The following TRIM75 variants were observed in gnomAD, a reference collection of about 807,000 sequenced individuals.
The protein encoded by TRIM75 is tripartite motif-containing protein 75.
At chr4:165,060,172 C>T in the TRIM75 span, 11 of 780,876 alleles carry the variant, frequency 1.4e-5, no homozygotes, top group South Asian at 8.0e-5. Flanking sequence ...CTGGGTTTTC[C>T]GTATTTTCAT....
chr4:165,059,434 T>A, the TRIM75 span: 1 of 780,868 alleles, frequency 1.3e-6, no homozygotes, highest in South Asian at 1.3e-5. Flanking sequence ...GAGACCACCT[T>A]GTGCGAGAAA....
the TRIM75 span, among the ~76,000 whole-genome samples, chr4:165,055,533 T>C: frequency 6.6e-6 from 1 of 152,070 alleles, no homozygotes; most frequent in African/African-American, 2.4e-5. Flanking sequence ...TCCACCCACC[T>C]TGGCCTCCCA....
At chr4:165,059,653 C>G in the TRIM75 span, 4 of 780,884 alleles carry the variant, frequency 5.1e-6, no homozygotes, top group Non-Finnish European at 9.6e-6. Context: ...AGCAAAAAAC[C>G]CTTAGAACTG....
chr4:165,059,847 TTAAG>T, the TRIM75 span: 2 of 780,802 alleles, frequency 2.6e-6, no homozygotes, highest in Non-Finnish European at 2.4e-6. Context: ...CAAAAGCCAG[TTAAG>T]TAAGGTAGTA....
the TRIM75 span, among the ~76,000 whole-genome samples, chr4:165,058,115 T>A: frequency 6.6e-6 from 1 of 152,116 alleles, no homozygotes; most frequent in African/African-American, 2.4e-5. Context: ...GAAGCAAGGA[T>A]GTAAGAGCAA....
the TRIM75 span, among the ~76,000 whole-genome samples, chr4:165,055,528 C>A: frequency 6.6e-6 from 1 of 152,050 alleles, no homozygotes; most frequent in Non-Finnish European, 1.5e-5. Flanking sequence ...GGTGATCCAC[C>A]CACCTTGGCC....
At chr4:165,058,013 A>G in the TRIM75 span, among the ~76,000 whole-genome samples, 1 of 151,766 alleles carries the variant, frequency 6.6e-6, no homozygotes, top group African/African-American at 2.4e-5. Context: ...TACTGAAAAT[A>G]TTTTCGCAAA....
At chr4:165,054,740 G>C in the TRIM75 span, among the ~76,000 whole-genome samples, 2 of 152,136 alleles carry the variant, frequency 1.3e-5, no homozygotes, top group Non-Finnish European at 2.9e-5. Context: ...ATTTATTATG[G>C]TTCCTGATTT....
chr4:165,059,800 C>A, the TRIM75 span: 1 of 780,880 alleles, frequency 1.3e-6, no homozygotes, highest in Non-Finnish European at 2.4e-6. Flanking sequence ...AAACTCAGTG[C>A]AAACATAACA....
chr4:165,054,613 T>C, the TRIM75 span, among the ~76,000 whole-genome samples: 1 of 152,140 alleles, frequency 6.6e-6, no homozygotes, highest in Non-Finnish European at 1.5e-5. Flanking sequence ...TTGGCCAGGT[T>C]GGTCTCGAAC....
the TRIM75 span, chr4:165,059,864 G>C: frequency 1.0e-5 from 8 of 780,462 alleles, no homozygotes; most frequent in Non-Finnish European, 1.9e-5. Context: ...AGGTAGTAGA[G>C]CTCAGTGAGC....
the TRIM75 span, among the ~76,000 whole-genome samples, chr4:165,055,608 C>T: frequency 2.3e-5 from 3 of 127,694 alleles, no homozygotes; most frequent in Admixed American, 7.9e-5. Flanking sequence ...AAAGGAGAGG[C>T]GTTTGATACT....
the TRIM75 span, among the ~76,000 whole-genome samples, chr4:165,054,103 AT>A: frequency 6.6e-6 from 1 of 151,530 alleles, no homozygotes; most frequent in Admixed American, 6.6e-5. Flanking sequence ...ATTTTCATTT[AT>A]TTTTTTGAGA....
At chr4:165,056,375 G>A in the TRIM75 span, among the ~76,000 whole-genome samples, 1 of 151,682 alleles carries the variant, frequency 6.6e-6, no homozygotes, top group African/African-American at 2.4e-5. Flanking sequence ...AGGGATCCCT[G>A]CATTTTCCAA....
At chr4:165,059,025 A>G in the TRIM75 span, 1 of 615,128 alleles carries the variant, frequency 1.6e-6, no homozygotes, top group Non-Finnish European at 2.9e-6. Context: ...TAGTGAGGTC[A>G]TCAGCTGCCT....
the TRIM75 span, among the ~76,000 whole-genome samples, chr4:165,055,803 C>G: frequency 6.6e-6 from 1 of 152,010 alleles, no homozygotes; most frequent in African/African-American, 2.4e-5. Flanking sequence ...AAGAAGTATG[C>G]TAGGCGTGGT....
At chr4:165,055,283 C>CT in the TRIM75 span, among the ~76,000 whole-genome samples, 2,186 of 129,514 alleles carry the variant, frequency 0.017, 48 homozygotes, top group African/African-American at 0.05. Context: ...AAGATAACTA[C>CT]TTTTTTTTTT....
the TRIM75 span, chr4:165,060,356 T>C: frequency 3.2e-4 from 249 of 780,912 alleles, 2 homozygotes; most frequent in Admixed American, 1.3e-3. Context: ...TTCCAACCCC[T>C]CTGTTGTTAG....
At chr4:165,060,014 A>C in the TRIM75 span, 1 of 772,742 alleles carries the variant, frequency 1.3e-6, no homozygotes, top group Non-Finnish European at 2.4e-6. Flanking sequence ...AGAGAATTAT[A>C]AAGAAATTTA....
Sources: gnomAD v4.1 joint callset for allele counts (sites outside exome capture counted in the v4.1 genomes callset) on GRCh38, gnomAD v4.1.1 for gene constraint, MANE v1.5 for transcripts, NCBI Gene and HGNC (gene_info 2026-07-23, HGNC 2026-07-21) for gene names.